The following RIMS2 variants were observed in gnomAD, a reference collection of about 807,000 sequenced individuals.
RIMS2 encodes the protein regulating synaptic membrane exocytosis 2.
Under a neutral mutation model 174.4 loss-of-function variants are expected in RIMS2, and 59 were observed. The observed-to-expected ratio is 0.34, with a 90% CI of 0.27 to 0.42. The LOEUF (loss-of-function observed/expected upper bound fraction) is 0.42, where lower values mean the gene tolerates loss of function less well. Among genes scored for constraint, RIMS2 ranks in the 10% least tolerant of loss-of-function variants. The pLI is 1.00. For missense variants in RIMS2, 1,620 were observed against 1,666.3 expected (o/e 0.97, Z 0.48); for synonymous variants, 606 against 572.5 (o/e 1.06, Z -0.84).
At chr8:103,881,985 A>G (rs994657717) in intron 3 of RIMS2, among the ~76,000 whole-genome samples, 1 of 151,496 alleles carries the variant, frequency 6.6e-6, no homozygotes, top group African/African-American at 2.4e-5. Flanking sequence ...TTTATACTAA[A>G]GAAAGGCATA....
intron 19 of RIMS2, among the ~76,000 whole-genome samples, chr8:104,154,616 T>A (rs1262477836): frequency 6.6e-6 from 1 of 152,166 alleles, no homozygotes; most frequent in Non-Finnish European, 1.5e-5. Context: ...AAGAGCTTTG[T>A]TTTTTAAAAA....
Position 103,987,892 on chromosome 8 carries a change from T to A in RIMS2, c.2928-1413T>A, listed in dbSNP as rs141367944. ...ATTCATGTACTAAGAATTCACAGGATCTTTTCAAGTAAGAGGTAAAACTTT... is the reference window on the plus strand; with the variant it reads ...ATTCATGTACTAAGAATTCACAGGAACTTTTCAAGTAAGAGGTAAAACTTT... On this transcript the variant is annotated intron_variant, in intron 16 of 23. Transcript: ENST00000504942. Among the ~76,000 whole-genome samples, 5 of 152,298 alleles carry A rather than the reference T, an allele frequency of 3.3e-5. No individual in the cohort carries two copies. In the East Asian group the frequency reaches 9.6e-4, roughly 29 times the overall value.
intron 1 of RIMS2, among the ~76,000 whole-genome samples, chr8:103,557,730 C>CAAACTGAAT (rs2090758864): frequency 6.6e-6 from 1 of 152,146 alleles, no homozygotes; most frequent in Non-Finnish European, 1.5e-5. Flanking sequence ...TCACTTATAA[C>CAAACTGAAT]TAACTGAATT....
intron 1 of RIMS2, among the ~76,000 whole-genome samples, chr8:103,598,905 AT>A (rs1156947369): frequency 0.02 from 2,978 of 146,664 alleles, 95 homozygotes; most frequent in African/African-American, 0.068. Context: ...TAGGATCTTT[AT>A]TTTTTTTTTT....
chr8:104,241,038 A>G (rs995780218), intron 19 of RIMS2, among the ~76,000 whole-genome samples: 4 of 152,098 alleles, frequency 2.6e-5, no homozygotes, highest in African/African-American at 9.7e-5. Context: ...TAAATGGTAG[A>G]GTGGAGACTA....
At chr8:104,037,691 G>T (rs62527158) in intron 19 of RIMS2, among the ~76,000 whole-genome samples, 7 of 152,134 alleles carry the variant, frequency 4.6e-5, no homozygotes, top group Non-Finnish European at 7.4e-5. Context: ...GGCAAGGAAA[G>T]AATTCTTAGT....
chr8:103,855,828 T>C (rs1371356442), intron 3 of RIMS2, among the ~76,000 whole-genome samples: 3 of 152,114 alleles, frequency 2.0e-5, no homozygotes, highest in Non-Finnish European at 4.4e-5. Context: ...AGCGTATATT[T>C]TGTGGTTGTC....
In RIMS2 at chr8:103,885,281, T is replaced by C. The variant is rs570226693; in HGVS notation, c.699-17T>C. ...AACTTTTGCTCTTCTCATTGTTCTT[T>C]TCCTTTGGTTACTTAGGAAAAGAAG... On this transcript the variant is annotated splice_polypyrimidine_tract_variant and intron_variant, in intron 3 of 23. Coordinates refer to ENST00000504942, the Ensembl canonical transcript of RIMS2. 1.0e-5 allele frequency: 16 copies of C among 1,544,650 alleles called. No homozygotes were observed. In the South Asian group the frequency reaches 1.7e-4, roughly 17 times the overall value.
At chr8:103,676,022 C>A (rs1334223229) in intron 1 of RIMS2, among the ~76,000 whole-genome samples, 2 of 152,010 alleles carry the variant, frequency 1.3e-5, no homozygotes, top group Non-Finnish European at 2.9e-5. Context: ...AGACTTTAGG[C>A]CTAAATATCC....
At chr8:103,810,977 G>GCAGT (rs34240442) in intron 3 of RIMS2, among the ~76,000 whole-genome samples, 18,828 of 152,058 alleles carry the variant, frequency 0.12, 1,249 homozygotes, top group Middle Eastern at 0.22. Flanking sequence ...ATAGCAATGT[G>GCAGT]CAGTCAATAT....
At chr8:103,660,495 C>A (rs2096585591) in intron 1 of RIMS2, among the ~76,000 whole-genome samples, 1 of 152,136 alleles carries the variant, frequency 6.6e-6, no homozygotes, top group Non-Finnish European at 1.5e-5. Context: ...TCAGCCAGCC[C>A]GGAATCTGTC....
chr8:104,201,086 A>G (rs7841196), intron 19 of RIMS2, among the ~76,000 whole-genome samples: 21,318 of 152,132 alleles, frequency 0.14, 2,436 homozygotes, highest in African/African-American at 0.32. Context: ...CCAGATAGTG[A>G]GCACAGTACC....
At chr8:104,101,674 G>A (rs1566403440) in intron 19 of RIMS2, among the ~76,000 whole-genome samples, 2 of 152,004 alleles carry the variant, frequency 1.3e-5, no homozygotes, top group Non-Finnish European at 2.9e-5. Flanking sequence ...GTGTGTGTTA[G>A]GAGTACCTAA....
chr8:104,248,755 G>A (rs760190206), exon 21 of RIMS2: 1 of 1,613,646 alleles, frequency 6.2e-7, no homozygotes, highest in Non-Finnish European at 8.5e-7. Context: ...GTGATTTCCT[G>A]GATGGCCTTG....
chr8:103,832,518 A>T (rs2098832105), intron 3 of RIMS2, among the ~76,000 whole-genome samples: 2 of 151,754 alleles, frequency 1.3e-5, no homozygotes, highest in African/African-American at 2.4e-5. Context: ...ATTTTTTCTG[A>T]TCCTCTCCCT....
At chr8:103,989,686 G>A (rs901187490) in intron 17 of RIMS2, among the ~76,000 whole-genome samples, 1 of 152,070 alleles carries the variant, frequency 6.6e-6, no homozygotes, top group Non-Finnish European at 1.5e-5. Context: ...TTAAGTTAGT[G>A]AATCTGTATA....
chr8:103,610,366 T>C (rs1218372354), intron 1 of RIMS2, among the ~76,000 whole-genome samples: 1 of 152,202 alleles, frequency 6.6e-6, no homozygotes, highest in Non-Finnish European at 1.5e-5. Context: ...TCCAATACTT[T>C]GTTGAATAGG....
intron 19 of RIMS2, among the ~76,000 whole-genome samples, chr8:104,111,625 C>T (rs2098185531): frequency 6.6e-6 from 1 of 152,244 alleles, no homozygotes; most frequent in Middle Eastern, 3.4e-3. Context: ...CCAGGATGGT[C>T]TCCATCTCTT....
In RIMS2 at chr8:103,946,147, C is replaced by T. The variant is rs373475202; in HGVS notation, c.2701+3221C>T. On this transcript the variant is annotated intron_variant, in intron 14 of 23. Coordinates refer to ENST00000504942, the Ensembl canonical transcript of RIMS2. Reference sequence around the variant, plus strand: ...ACAAGGAGAGCAAGGTCCCGAGATACATGAACAATATACTAGAATCTATTC... The same window carrying T: ...ACAAGGAGAGCAAGGTCCCGAGATATATGAACAATATACTAGAATCTATTC... Among the ~76,000 whole-genome samples, 14 of 152,304 alleles carry T rather than the reference C, an allele frequency of 9.2e-5. No homozygotes were observed. In the East Asian group the frequency reaches 1.7e-3, roughly 19 times the overall value.
Sources: allele counts gnomAD v4.1 joint callset (sites outside exome capture counted in the v4.1 genomes callset), GRCh38; gene constraint gnomAD v4.1.1; transcripts MANE v1.5; gene names NCBI Gene and HGNC (gene_info 2026-07-23, HGNC 2026-07-21).